The following HDAC4 variants were observed in gnomAD, a reference collection of about 807,000 sequenced individuals.
HDAC4 encodes the protein histone deacetylase 4.
In HDAC4, 16 loss-of-function variants were observed where a neutral mutation model predicts 135.1. The observed-to-expected ratio is 0.12, with a 90% CI of 0.08 to 0.18. The LOEUF (loss-of-function observed/expected upper bound fraction) is 0.18, where lower values mean the gene tolerates loss of function less well. HDAC4 is among the 10% of genes least tolerant of loss of function. HDAC4 has a pLI of 1.00. For synonymous variants in HDAC4, 685 were observed against 653.4 expected (o/e 1.05, Z -0.74); for missense variants, 1,143 against 1,511.8 (o/e 0.76, Z 4.05).
chr2:239,242,008 G>A (rs532906252), intron 2 of HDAC4, among the ~76,000 whole-genome samples: 13 of 150,282 alleles, frequency 8.7e-5, no homozygotes, highest in South Asian at 4.2e-4. Context: ...CTTTTACTCC[G>A]CCACATAAAT....
At chr2:239,124,682 CCGCG>C in intron 12 of HDAC4, among the ~76,000 whole-genome samples, 3 of 135,916 alleles carry the variant, frequency 2.2e-5, no homozygotes, top group Admixed American at 2.2e-4. Flanking sequence ...CGGCGTGTGG[CCGCG>C]TTATATGACA....
chr2:239,141,630 C>T lies in HDAC4; in HGVS notation c.866-1834G>A, dbSNP rs7605696. Among the ~76,000 whole-genome samples, 7,187 of 152,250 alleles carry T rather than the reference C, an allele frequency of 0.047. 585 individuals are homozygous for T. The highest frequency in any genetic ancestry group is 0.16 in the African/African-American group (6,803 of 41,512). On this transcript the variant is annotated intron_variant, in intron 8 of 26. Transcript: ENST00000543185. The surrounding 1 kb of genome is among the most constrained non-coding windows in gnomAD (Gnocchi z 4.9). The stretch of plus-strand genomic sequence containing the variant: ...TCTCCCATCTCTGCCCCACCTGCAG[C>T]CCACCGTAGCCCACCCTAGACCCCT...
At chr2:239,114,346 C>T (rs2038941738) in intron 13 of HDAC4, among the ~76,000 whole-genome samples, 1 of 152,210 alleles carries the variant, frequency 6.6e-6, no homozygotes, top group Non-Finnish European at 1.5e-5. Context: ...TCAAATCCTA[C>T]AGAGCTGTGG....
chr2:239,389,540 C>T (rs1390125964), intron 1 of HDAC4, among the ~76,000 whole-genome samples: 1 of 152,142 alleles, frequency 6.6e-6, no homozygotes, highest in East Asian at 1.9e-4. Flanking sequence ...ACCAAGAACC[C>T]ACTGGAAGGA....
chr2:239,161,812 T>C, intron 6 of HDAC4: 1 of 414,956 alleles, frequency 2.4e-6, no homozygotes, highest in South Asian at 1.8e-5. Context: ...AGCCACTCTG[T>C]TTGCCACCCC....
intron 24 of HDAC4, among the ~76,000 whole-genome samples, chr2:239,062,216 G>C (rs1470665967): frequency 6.6e-6 from 1 of 152,270 alleles, no homozygotes; most frequent in African/African-American, 2.4e-5. Flanking sequence ...AGACCTACGC[G>C]CTGAAGACAG....
intron 2 of HDAC4, among the ~76,000 whole-genome samples, chr2:239,254,623 TAGGAAAAG>T (rs1315067025): frequency 9.2e-5 from 14 of 151,828 alleles, no homozygotes; most frequent in Non-Finnish European, 1.6e-4. Context: ...AGCACAAAGA[TAGGAAAAG>T]ATAAAGGAGA....
At chr2:239,397,979 A>G (rs969704336) in intron 1 of HDAC4, among the ~76,000 whole-genome samples, 1 of 152,210 alleles carries the variant, frequency 6.6e-6, no homozygotes, top group Admixed American at 6.5e-5. Flanking sequence ...CCCAGGACAG[A>G]CTGGGGGCTG....
rs1478072574 is a variant in HDAC4, at chr2:239,051,431, G to A, written c.*1666C>T. 6.6e-6 allele frequency: 1 copy of A among 152,220 alleles called. No individual in the cohort carries two copies. The highest frequency in any genetic ancestry group is 1.5e-5 in the Non-Finnish European group (1 of 68,006). 9.4% of individuals were successfully genotyped at this position (152,220 alleles called of 1,614,324 possible). A position where few individuals can be genotyped will look rare whatever the true frequency, so the allele number is the denominator to read the frequency against. ...AAACCTTTGAAAGGTAAAAAAAAATGTACAAGCAAGAATTCAGAAAGGAAA... is the reference window on the plus strand; with the variant it reads ...AAACCTTTGAAAGGTAAAAAAAAATATACAAGCAAGAATTCAGAAAGGAAA... On this transcript the variant is annotated 3_prime_UTR_variant, in exon 27 of 27. Transcript: ENST00000543185.
At chr2:239,097,098 G>A (rs1024697456) in intron 16 of HDAC4, among the ~76,000 whole-genome samples, 20 of 152,232 alleles carry the variant, frequency 1.3e-4, no homozygotes, top group African/African-American at 4.8e-4. Flanking sequence ...CAGATGCTGT[G>A]ACGTTTTCCA....
intron 3 of HDAC4, among the ~76,000 whole-genome samples, chr2:239,234,347 A>G (rs776608910): frequency 6.6e-6 from 1 of 152,168 alleles, no homozygotes; most frequent in African/African-American, 2.4e-5. Context: ...GACTCAGACC[A>G]ATGGGAACCT....
intron 3 of HDAC4, among the ~76,000 whole-genome samples, chr2:239,212,800 C>G (rs1420383633): frequency 1.3e-5 from 2 of 152,184 alleles, no homozygotes; most frequent in East Asian, 3.9e-4. Flanking sequence ...GCATCCAGGA[C>G]CACCAGGAAG....
At chr2:239,283,769 C>G (rs1056323826) in intron 2 of HDAC4, among the ~76,000 whole-genome samples, 3 of 152,234 alleles carry the variant, frequency 2.0e-5, no homozygotes, top group Non-Finnish European at 4.4e-5. Flanking sequence ...GATCAGGCGG[C>G]CTTGATGGCG....
chr2:239,279,419 G>A (rs958207717), intron 2 of HDAC4, among the ~76,000 whole-genome samples: 23 of 152,236 alleles, frequency 1.5e-4, no homozygotes, highest in Non-Finnish European at 1.6e-4. Context: ...TTACAGACGA[G>A]AAAATCAAGG....
chr2:239,385,856 G>C lies in HDAC4; in HGVS notation c.-220+15122C>G, dbSNP rs1455706385. On this transcript the variant is annotated intron_variant, in intron 1 of 26. Transcript: ENST00000543185. ...GTACAGAATCAAAAAGAGGCCACTG[G>C]GCCCCGGAAAGCGGTCCAAGACAGT... Among the ~76,000 whole-genome samples the C allele has an allele frequency of 5.3e-5, 8 of 152,304 alleles. No individual in the cohort carries two copies. The East Asian group carries it at 1.5e-3, about 29-fold the overall frequency.
chr2:239,250,373 C>A (rs2048716906), intron 2 of HDAC4, among the ~76,000 whole-genome samples: 1 of 152,208 alleles, frequency 6.6e-6, no homozygotes. Flanking sequence ...GGCCACCTGG[C>A]CAGAACCAGT....
At chr2:239,213,620 A>T (rs1487386133) in intron 3 of HDAC4, among the ~76,000 whole-genome samples, 2 of 152,224 alleles carry the variant, frequency 1.3e-5, no homozygotes, top group East Asian at 1.9e-4. Flanking sequence ...GCCACTACCC[A>T]ACTCCAGCAA....
chr2:239,070,397 G>T (rs896775884), intron 22 of HDAC4, among the ~76,000 whole-genome samples: 1 of 152,230 alleles, frequency 6.6e-6, no homozygotes, highest in African/African-American at 2.4e-5. Flanking sequence ...AGGGGAAAAA[G>T]CACTCCTTAA....
At chr2:239,274,712 T>A (rs977199615) in intron 2 of HDAC4, among the ~76,000 whole-genome samples, 4 of 152,114 alleles carry the variant, frequency 2.6e-5, no homozygotes, top group African/African-American at 7.2e-5. Flanking sequence ...CCCAGCACAG[T>A]GCAGAGCTGT....
Sources: gnomAD v4.1 joint callset for allele counts (sites outside exome capture counted in the v4.1 genomes callset) on GRCh38, gnomAD v4.1.1 for gene constraint, Gnocchi (gnomAD v3.1) non-coding constraint, MANE v1.5 for transcripts, NCBI Gene and HGNC (gene_info 2026-07-23, HGNC 2026-07-21) for gene names.